Variants in TRAK1 observed in about 807,000 individuals in gnomAD.
TRAK1 encodes trafficking kinesin protein 1, also known as trafficking kinesin-binding protein 1.
In TRAK1, 33 loss-of-function variants were observed where a neutral mutation model predicts 92.1. The ratio of observed to expected loss-of-function variants is 0.36; its 90% CI spans 0.27 to 0.48. The LOEUF (loss-of-function observed/expected upper bound fraction) is 0.48, where lower values mean the gene tolerates loss of function less well. Ranked by LOEUF, TRAK1 falls within the 20% of genes least tolerant of loss-of-function variation. TRAK1 has a pLI of 0.99. For missense variants in TRAK1, 1,123 were observed against 1,257.9 expected (o/e 0.89, Z 1.62); for synonymous variants, 521 against 517.3 (o/e 1.01, Z -0.10).
At chr3:42,054,083 G>A (rs1703095380) in intron 1 of TRAK1, among the ~76,000 whole-genome samples, 1 of 152,198 alleles carries the variant, frequency 6.6e-6, no homozygotes, top group South Asian at 2.1e-4. Context: ...ATTCAGGGTA[G>A]ACAGCGACCT....
rs1351901203 is a variant in TRAK1, at chr3:42,196,998, TCTCTCACACA to T, written c.1113+2059_1113+2068del. 5.8e-3 allele frequency among the ~76,000 whole-genome samples: 548 copies of T among 94,818 alleles called. 4 individuals are homozygous for T. The highest frequency in any genetic ancestry group is 0.021 in the African/African-American group (521 of 24,698). The allele number at this position is 94,818 out of a possible 152,430, so 62.2% of individuals were successfully genotyped here. On this transcript the variant is annotated intron_variant, in intron 10 of 15. Coordinates refer to ENST00000327628, the MANE Select transcript of TRAK1 (RefSeq NM_001042646.3). ...CTCTTTCTCTTTCTCTCTCTCTCTC[TCTCTCACACA>T]CACACACACACACACACACACACAC...
At chr3:42,204,221 G>C in intron 13 of TRAK1, 6 of 985,240 alleles carry the variant, frequency 6.1e-6, no homozygotes, top group Non-Finnish European at 7.2e-6. Context: ...TTTCTCCTTT[G>C]TCACTCAAAG....
At chr3:42,041,136 CTTA>C (rs1222079020) in intron 1 of TRAK1, among the ~76,000 whole-genome samples, 3 of 123,236 alleles carry the variant, frequency 2.4e-5, no homozygotes, top group African/African-American at 1.2e-4. Context: ...TTAATTTATG[CTTA>C]AAAAAAAAAA....
intron 1 of TRAK1, 93 bp from the exon 2 acceptor site, chr3:42,125,327 C>A: frequency 8.6e-7 from 1 of 1,162,184 alleles, no homozygotes; most frequent in Non-Finnish European, 1.2e-6. Context: ...GATAAATAAC[C>A]GAAGATACCT....
intron 1 of TRAK1, among the ~76,000 whole-genome samples, chr3:42,105,366 A>G (rs185864609): frequency 9.6e-4 from 146 of 152,364 alleles, no homozygotes; most frequent in Middle Eastern, 3.4e-3. Flanking sequence ...GAACTATGTG[A>G]CGCATGCACA....
intron 1 of TRAK1, among the ~76,000 whole-genome samples, chr3:42,103,500 A>G (rs1264841253): frequency 6.6e-6 from 1 of 152,056 alleles, no homozygotes; most frequent in Non-Finnish European, 1.5e-5. Flanking sequence ...GCTTTCAAAG[A>G]TTTCTACTGT....
chr3:42,034,300 T>TA (rs1308449273), intron 1 of TRAK1, among the ~76,000 whole-genome samples: 1 of 152,090 alleles, frequency 6.6e-6, no homozygotes, highest in African/African-American at 2.4e-5. Context: ...GGTCCTTTTT[T>TA]AAAAAATTTG....
intron 1 of TRAK1, among the ~76,000 whole-genome samples, chr3:42,060,331 C>T (rs1576208978): frequency 3.1e-5 from 1 of 32,070 alleles, no homozygotes; most frequent in South Asian, 9.3e-4. Flanking sequence ...TACAGCACCA[C>T]GGTGGGGGGT....
chr3:42,107,724 A>G (rs977785747), intron 1 of TRAK1, among the ~76,000 whole-genome samples: 11 of 152,024 alleles, frequency 7.2e-5, no homozygotes, highest in African/African-American at 2.7e-4. Flanking sequence ...TTGCCTGTAC[A>G]GATAGTACCT....
intron 2 of TRAK1, among the ~76,000 whole-genome samples, chr3:42,142,471 C>G (rs545488089): frequency 2.6e-5 from 4 of 152,190 alleles, no homozygotes; most frequent in African/African-American, 9.7e-5. Flanking sequence ...CTGGCCAATC[C>G]GTCACCTTAC....
chr3:42,171,659 G>T (rs1576774127), intron 2 of TRAK1, among the ~76,000 whole-genome samples: 1 of 152,154 alleles, frequency 6.6e-6, no homozygotes, highest in South Asian at 2.1e-4. Flanking sequence ...ACAGTGTCAA[G>T]ATAGAAACCC....
At chr3:42,054,045 C>A (rs1703094026) in intron 1 of TRAK1, among the ~76,000 whole-genome samples, 1 of 152,150 alleles carries the variant, frequency 6.6e-6, no homozygotes, top group African/African-American at 2.4e-5. Flanking sequence ...TTAGTGAGCA[C>A]CTGCTAATTA....
intron 2 of TRAK1, among the ~76,000 whole-genome samples, chr3:42,142,148 CAAA>C (rs930604183): frequency 2.0e-5 from 3 of 151,994 alleles, no homozygotes; most frequent in Non-Finnish European, 4.4e-5. Flanking sequence ...CAAAACAAAA[CAAA>C]AAAAGAAGAA....
At position 42,188,056 on chromosome 3, in the gene TRAK1, C is replaced by T; in HGVS notation, c.492C>T (p.Leu164=). The T allele has an allele frequency of 6.2e-7, 1 of 1,614,020 alleles. No individual in the cohort carries two copies. The highest frequency in any genetic ancestry group is 8.5e-7 in the Non-Finnish European group (1 of 1,180,022). ...VEHIREEVSQ[L]RHELSMKDEL... ...CTCTGCTTGTGCAGGTGTCTCAGCTCCGGCATGAGCTGTCCATGAAGGATG... is the reference window on the plus strand; with the variant it reads ...CTCTGCTTGTGCAGGTGTCTCAGCTTCGGCATGAGCTGTCCATGAAGGATG... The change falls in exon 5 of 16, where the codon CTC becomes CTT. Residue 164 remains leucine, a synonymous_variant. Coordinates refer to ENST00000327628, the MANE Select transcript of TRAK1 (RefSeq NM_001042646.3).
At chr3:42,098,952 G>A (rs1402042399) in intron 1 of TRAK1, among the ~76,000 whole-genome samples, 1 of 152,052 alleles carries the variant, frequency 6.6e-6, no homozygotes, top group Non-Finnish European at 1.5e-5. Context: ...TGGACAGGAA[G>A]TGGGCGGTAG....
At chr3:42,055,025 T>C (rs942025113) in intron 1 of TRAK1, among the ~76,000 whole-genome samples, 1 of 146,208 alleles carries the variant, frequency 6.8e-6, no homozygotes, top group Non-Finnish European at 1.5e-5. Context: ...GTTCAGGAAA[T>C]TCTCCTGTCT....
intron 14 of TRAK1, among the ~76,000 whole-genome samples, chr3:42,216,902 A>G (rs1460183039): frequency 6.6e-6 from 1 of 152,218 alleles, no homozygotes; most frequent in African/African-American, 2.4e-5. Context: ...CTTAAATCCA[A>G]GAAACTCTAT....
At chr3:42,172,879 G>C (rs6605325) in intron 2 of TRAK1, among the ~76,000 whole-genome samples, 117,283 of 152,190 alleles carry the variant, frequency 0.77, 45,486 homozygotes, top group East Asian at 0.99. Flanking sequence ...AGCACGGTGG[G>C]TCATGCCTGT....
intron 1 of TRAK1, among the ~76,000 whole-genome samples, chr3:42,081,415 C>T (rs1704432396): frequency 6.6e-6 from 1 of 152,206 alleles, no homozygotes; most frequent in African/African-American, 2.4e-5. Flanking sequence ...AGGGGATCCT[C>T]AGAGTCATTT....
Sources: gnomAD v4.1 joint callset for allele counts (sites outside exome capture counted in the v4.1 genomes callset) on GRCh38, gnomAD v4.1.1 for gene constraint, MANE v1.5 for transcripts, NCBI Gene and HGNC (gene_info 2026-07-23, HGNC 2026-07-21) for gene names.